The following CFAP299 variants were observed in gnomAD, a reference collection of about 807,000 sequenced individuals.
The protein encoded by CFAP299 is cilia- and flagella-associated protein 299.
In CFAP299, 21 loss-of-function variants were observed where a neutral mutation model predicts 27.0. The ratio of observed to expected loss-of-function variants is 0.78; its 90% CI spans 0.55 to 1.12. The LOEUF (loss-of-function observed/expected upper bound fraction) is 1.12. CFAP299 is among the 50% of genes most tolerant of loss of function. The probability of loss-of-function intolerance (pLI) is 0.00; values close to 1 mark genes in which losing one functional copy is unlikely to be tolerated. For missense variants in CFAP299, 310 were observed against 276.6 expected (o/e 1.12, Z -0.86); for synonymous variants, 104 against 98.1 (o/e 1.06, Z -0.36).
At chr4:80,699,519 T>G (rs1455224663) in intron 3 of CFAP299, among the ~76,000 whole-genome samples, 1 of 152,174 alleles carries the variant, frequency 6.6e-6, no homozygotes, top group African/African-American at 2.4e-5. Context: ...AAATGGGCAG[T>G]AAAGGTGATT....
intron 5 of CFAP299, 22 bp downstream of exon 5, chr4:80,944,961 G>T (rs539984599): frequency 6.2e-7 from 1 of 1,600,210 alleles, no homozygotes; most frequent in Non-Finnish European, 8.6e-7. Context: ...TTTACACTTA[G>T]TTAGTTACCT....
chr4:80,880,055 A>T (rs1453601942), intron 4 of CFAP299, among the ~76,000 whole-genome samples: 1 of 152,158 alleles, frequency 6.6e-6, no homozygotes, highest in African/African-American at 2.4e-5. Context: ...TGCACTGTCA[A>T]GAAAGTTCAG....
At chr4:80,710,954 G>T (rs1270491806) in intron 3 of CFAP299, among the ~76,000 whole-genome samples, 1 of 152,104 alleles carries the variant, frequency 6.6e-6, no homozygotes, top group Non-Finnish European at 1.5e-5. Flanking sequence ...TAAACCTCCA[G>T]AGTGACTCAG....
At chr4:80,834,637 G>C (rs1730465607) in intron 3 of CFAP299, among the ~76,000 whole-genome samples, 1 of 152,190 alleles carries the variant, frequency 6.6e-6, no homozygotes, top group South Asian at 2.1e-4. Flanking sequence ...TGATGGAAAA[G>C]GGGTACACAG....
intron 2 of CFAP299, among the ~76,000 whole-genome samples, chr4:80,526,976 C>G (rs1486964322): frequency 6.6e-6 from 1 of 152,002 alleles, no homozygotes; most frequent in Non-Finnish European, 1.5e-5. Context: ...AGCAAGACAC[C>G]AACTGTGAGA....
At chr4:80,936,294 T>A (rs542811970) in intron 4 of CFAP299, among the ~76,000 whole-genome samples, 1 of 152,116 alleles carries the variant, frequency 6.6e-6, no homozygotes, top group East Asian at 1.9e-4. Flanking sequence ...ACTGGGTATA[T>A]ACCTAAAGGA....
At chr4:80,413,291 T>C (rs375533963) in intron 2 of CFAP299, among the ~76,000 whole-genome samples, 1 of 152,174 alleles carries the variant, frequency 6.6e-6, no homozygotes, top group South Asian at 2.1e-4. Flanking sequence ...GCCTTACCCT[T>C]AGGTGATTGT....
At chr4:80,581,860 A>G (rs949096462) in intron 2 of CFAP299, among the ~76,000 whole-genome samples, 2 of 151,888 alleles carry the variant, frequency 1.3e-5, no homozygotes, top group Admixed American at 6.6e-5. Flanking sequence ...TCCTTGCATT[A>G]GACCCTTTTG....
intron 2 of CFAP299, among the ~76,000 whole-genome samples, chr4:80,556,846 G>A (rs1486288997): frequency 6.6e-6 from 1 of 151,988 alleles, no homozygotes; most frequent in East Asian, 1.9e-4. Context: ...ATGAGGCCAA[G>A]TATATCTGTC....
At chr4:80,617,676 A>G (rs988856637) in intron 3 of CFAP299, among the ~76,000 whole-genome samples, 2 of 152,204 alleles carry the variant, frequency 1.3e-5, no homozygotes, top group African/African-American at 2.4e-5. Context: ...GCATTCCTAC[A>G]TAAAAGTGCC....
At chr4:80,770,057 C>G (rs1045059819) in intron 3 of CFAP299, among the ~76,000 whole-genome samples, 6 of 152,066 alleles carry the variant, frequency 3.9e-5, no homozygotes, top group Non-Finnish European at 8.8e-5. Flanking sequence ...TAGCTTGTTT[C>G]CTGTCAGAAG....
Position 80,914,767 on chromosome 4 carries a change from A to G in CFAP299, c.477-30043A>G, listed in dbSNP as rs182357271. Among the ~76,000 whole-genome samples, 11 of 152,262 alleles carry G rather than the reference A, an allele frequency of 7.2e-5. No homozygotes were observed. The East Asian group carries it at 2.1e-3, about 29-fold the overall frequency. ...TGAGCTGTCAAATTTATTAACATAA[A>G]GTTGTTCATAATATTCCCTTATTAT... On this transcript the variant is annotated intron_variant, in intron 4 of 5. Transcript: ENST00000358105.
At chr4:80,592,172 T>C (rs1736822349) in intron 3 of CFAP299, among the ~76,000 whole-genome samples, 1 of 152,172 alleles carries the variant, frequency 6.6e-6, no homozygotes, top group African/African-American at 2.4e-5. Flanking sequence ...GTAAAATTAG[T>C]GAGTTTACTG....
rs962357 is a variant in CFAP299, at chr4:80,781,833, A to T, written c.334-88160A>T. ...TCAAATTGCTAAGCCACAATAGAATAAAAAAAAAAAAGGTCCCTTAGAAAG... is the reference window on the plus strand; with the variant it reads ...TCAAATTGCTAAGCCACAATAGAATTAAAAAAAAAAAGGTCCCTTAGAAAG... On this transcript the variant is annotated intron_variant, in intron 3 of 5. Coordinates refer to ENST00000358105, the MANE Select transcript of CFAP299 (RefSeq NM_152770.3). 9.4e-3 allele frequency among the ~76,000 whole-genome samples: 1,330 copies of T among 141,200 alleles called. 17 individuals are homozygous for T. The highest frequency in any genetic ancestry group is 0.033 in the African/African-American group (1,254 of 38,280). The allele number at this position is 141,200 out of a possible 152,430, so 92.6% of individuals were successfully genotyped here.
chr4:80,348,334 AT>A (rs1722847194), intron 1 of CFAP299, among the ~76,000 whole-genome samples: 1 of 151,962 alleles, frequency 6.6e-6, no homozygotes, highest in South Asian at 2.1e-4. Context: ...GCAAATGAAA[AT>A]TAGAGTGAAC....
intron 4 of CFAP299, among the ~76,000 whole-genome samples, chr4:80,942,936 GTAGA>G (rs1737272828): frequency 6.6e-6 from 1 of 152,114 alleles, no homozygotes; most frequent in Non-Finnish European, 1.5e-5. Flanking sequence ...TCCAGCTTGC[GTAGA>G]TAGTCAAATT....
At chr4:80,501,480 T>C (rs1316670287) in intron 2 of CFAP299, among the ~76,000 whole-genome samples, 1 of 147,568 alleles carries the variant, frequency 6.8e-6, no homozygotes, top group Non-Finnish European at 1.5e-5. Flanking sequence ...TAATTATACA[T>C]TTTTATTTAT....
At chr4:80,383,382 A>C (rs1169463830) in intron 2 of CFAP299, among the ~76,000 whole-genome samples, 1 of 152,204 alleles carries the variant, frequency 6.6e-6, no homozygotes, top group African/African-American at 2.4e-5. Flanking sequence ...TTGACGTCAC[A>C]TAATTCAGTG....
At chr4:80,414,985 T>A (rs1012123755) in intron 2 of CFAP299, among the ~76,000 whole-genome samples, 2 of 152,200 alleles carry the variant, frequency 1.3e-5, no homozygotes, top group African/African-American at 4.8e-5. Flanking sequence ...GCTTGAAACA[T>A]AGAGGCGCTG....
Sources: allele counts gnomAD v4.1 joint callset (sites outside exome capture counted in the v4.1 genomes callset), GRCh38; gene constraint gnomAD v4.1.1; transcripts MANE v1.5; gene names NCBI Gene and HGNC (gene_info 2026-07-23, HGNC 2026-07-21).